NDST2: variants seen among roughly 807,000 people sequenced by gnomAD.
NDST2 encodes bifunctional heparan sulfate N-deacetylase/N-sulfotransferase 2.
Under a neutral mutation model 86.9 loss-of-function variants are expected in NDST2, and 32 were observed. The ratio of observed to expected loss-of-function variants is 0.37; its 90% CI spans 0.28 to 0.49. The LOEUF is 0.49. NDST2 is among the 20% of genes least tolerant of loss of function. The pLI is 0.97. For missense variants in NDST2, 950 were observed against 1,146.9 expected (o/e 0.83, Z 2.48); for synonymous variants, 409 against 437.0 (o/e 0.94, Z 0.80).
chr10:73,805,287 C>A (rs1301382093), intron 8 of NDST2, among the ~76,000 whole-genome samples: 1 of 151,616 alleles, frequency 6.6e-6, no homozygotes, highest in Non-Finnish European at 1.5e-5. Flanking sequence ...CTGAGGCGGG[C>A]GGATCACCTG....
In NDST2 at chr10:73,808,175, G is replaced by A. The variant is rs1259275924; in HGVS notation, c.214C>T (p.Pro72Ser). Reference sequence around the variant, plus strand: ...GTCTCTGGAGGCCTGGGGGGCCGAGGTGGAACTGGAGGCCGTGCAGGGCCA... The same window carrying A: ...GTCTCTGGAGGCCTGGGGGGCCGAGATGGAACTGGAGGCCGTGCAGGGCCA... ...GPGPARPPVP[P>S]RPPRPPETAR... The change falls in exon 3 of 15, where the codon CCT (proline) becomes TCT (serine). Residue 72 changes from proline (P) to serine (S), a missense_variant. Coordinates refer to ENST00000309979, the MANE Select transcript of NDST2 (RefSeq NM_003635.4). This position sits in a 1 kb window ranked among gnomAD's most constrained non-coding sequence, Gnocchi z 4.3. The A allele has an allele frequency of 1.9e-6, 3 of 1,614,200 alleles. No homozygotes were observed. The highest frequency in any genetic ancestry group is 2.5e-6 in the Non-Finnish European group (3 of 1,180,006).
At chr10:73,805,862 G>T (rs201130052) in intron 7 of NDST2, 38 bp downstream of exon 7, 27 of 1,613,678 alleles carry the variant, frequency 1.7e-5, no homozygotes, top group Non-Finnish European at 2.3e-5. Flanking sequence ...AAACACCTTG[G>T]CTCTCCAATC....
chr10:73,804,033 G>C lies in NDST2; in HGVS notation c.1844-17C>G. ...CTGTAGTCCCTAAATGGGAGAGAAA[G>C]ACCAGCTTCAGGCAGCCATTGTGGG... On this transcript the variant is annotated splice_polypyrimidine_tract_variant and intron_variant, in intron 9 of 14. Transcript: ENST00000309979. 2 of 1,611,406 alleles carry C rather than the reference G, an allele frequency of 1.2e-6. No individual in the cohort carries two copies. The highest frequency in any genetic ancestry group is 8.5e-7 in the Non-Finnish European group (1 of 1,178,618).
chr10:73,806,668 G>C lies in NDST2; in HGVS notation c.1237C>G (p.Gln413Glu). The change falls in exon 5 of 15, where the codon CAG becomes GAG. Residue 413 changes from glutamine (Q) to glutamate (E), a missense_variant. By Grantham distance (29) the Gln-to-Glu change is conservative (BLOSUM62 2). This residue lies in a region of NDST2 where 586 missense variants were observed against 714.0 expected (regional missense o/e 0.82). Coordinates refer to ENST00000309979, the MANE Select transcript of NDST2 (RefSeq NM_003635.4). The surrounding 1 kb of genome is among the most constrained non-coding windows in gnomAD (Gnocchi z 4.5). ...VLADQMRLNK[Q>E]FALEHGIPTD... ...TCCAAGGGTCTCACCAGAGCAAACT[G>C]TTTGTTGAGCCTCATCTGGTCAGCC... 2 of 1,613,998 alleles carry C rather than the reference G, an allele frequency of 1.2e-6. No individual in the cohort carries two copies. Among genetic ancestry groups the C allele is most frequent in the Non-Finnish European group, 1.7e-6 (2 of 1,179,868 alleles).
rs772796944 is a variant in NDST2 at position 73,803,700 on chromosome 10, T to C, written c.2016A>G (p.Leu672=). The change falls in exon 11 of 15, where the codon CTA becomes CTG. Residue 672 remains leucine, a synonymous_variant. Coordinates refer to ENST00000309979, the MANE Select transcript of NDST2 (RefSeq NM_003635.4). ...PVPSNASTDF[L]FEKSATYFDS... ...CAAAGTAGGTGGCACTTTTTTCAAATAGGAAATCAGTGCTGGCATTGGAAG... is the reference window on the plus strand; with the variant it reads ...CAAAGTAGGTGGCACTTTTTTCAAACAGGAAATCAGTGCTGGCATTGGAAG... 1.9e-6 allele frequency: 3 copies of C among 1,613,872 alleles called. No individual in the cohort carries two copies. The highest frequency in any genetic ancestry group is 2.2e-5 in the South Asian group (2 of 91,074).
Position 73,806,780 on chromosome 10 carries a change from C to T in NDST2, c.1125G>A (p.Met375Ile). Residue 375 changes from methionine (M) to isoleucine (I), a missense_variant, in exon 5 of 15, where the codon ATG becomes ATA. Coordinates refer to ENST00000309979, the MANE Select transcript of NDST2 (RefSeq NM_003635.4). The surrounding 1 kb of genome is among the most constrained non-coding windows in gnomAD (Gnocchi z 4.5). Reference sequence around the variant, plus strand: ...AGAACTCTTTGCGGTGCTTCAGCAGCATGTCGTCCCCTGCATCCTCCTCCT... The same window carrying T: ...AGAACTCTTTGCGGTGCTTCAGCAGTATGTCGTCCCCTGCATCCTCCTCCT... Reference protein sequence around the residue: ...GTEEEDAGDDMLLKHRKEFWW... With the variant: ...GTEEEDAGDDILLKHRKEFWW... 6.2e-7 allele frequency: 1 copy of T among 1,614,170 alleles called. No individual in the cohort carries two copies.
Position 73,803,317 on chromosome 10 carries a change from A to G in NDST2, c.2185T>C (p.Phe729Leu). The G allele has an allele frequency of 6.2e-7, 1 of 1,614,218 alleles. No homozygotes were observed. Among genetic ancestry groups the G allele is most frequent in the Non-Finnish European group, 8.5e-7 (1 of 1,180,036 alleles). The change falls in exon 12 of 15, where the codon TTC (phenylalanine) becomes CTC (leucine). Residue 729 changes from phenylalanine (F) to leucine (L), a missense_variant. By Grantham distance (22) the Phe-to-Leu change is conservative. This residue lies in a region of NDST2 where 303 missense variants were observed against 323.7 expected (regional missense o/e 0.94). Coordinates refer to ENST00000309979, the MANE Select transcript of NDST2 (RefSeq NM_003635.4). ...GAGGAGGCTGAAATCACCTGATAGA[A>G]GGTATAGTTCAGAGCAACTGGGTCT... ...HGDPVALNYT[F>L]YQVISASSQT... is the part of the protein sequence containing the mutation.
Position 73,802,203 on chromosome 10 carries a change from C to G in NDST2, c.*248G>C, listed in dbSNP as rs1466989861. On this transcript the variant is annotated 3_prime_UTR_variant, in exon 15 of 15. Coordinates refer to ENST00000309979, the MANE Select transcript of NDST2 (RefSeq NM_003635.4). ...ACACCCTGCCTGGACCCTCTCATTC[C>G]TCCCCACCTCCCAAGATGATGGGTC... 3 of 580,394 alleles carry G rather than the reference C, an allele frequency of 5.2e-6. No individual in the cohort carries two copies. Among genetic ancestry groups the G allele is most frequent in the Non-Finnish European group, 9.2e-6 (3 of 326,856 alleles). The allele number at this position is 580,394 out of a possible 1,614,324, so 36.0% of individuals were successfully genotyped here. A position where few individuals can be genotyped will look rare whatever the true frequency, so the allele number is the denominator to read the frequency against.
chr10:73,803,855 G>A (rs1200828719), intron 10 of NDST2, 38 bp downstream of exon 10: 3 of 1,614,064 alleles, frequency 1.9e-6, no homozygotes, highest in East Asian at 2.2e-5. Context: ...GGAAGGGAGT[G>A]TTCCTCTGAG....
Position 73,801,978 on chromosome 10 carries a change from A to G in NDST2, c.*473T>C. The G allele has an allele frequency of 8.1e-6, 3 of 370,712 alleles. No homozygotes were observed. Among genetic ancestry groups the G allele is most frequent in the South Asian group, 6.7e-5 (3 of 44,564 alleles). The allele number at this position is 370,712 out of a possible 1,614,324, so 23.0% of individuals were successfully genotyped here. On this transcript the variant is annotated 3_prime_UTR_variant, in exon 15 of 15. Coordinates refer to ENST00000309979, the MANE Select transcript of NDST2 (RefSeq NM_003635.4). This position sits in a 1 kb window ranked among gnomAD's most constrained non-coding sequence, Gnocchi z 4.9. ...ACAGCTAGGGCTCATACTCGGCTCT[A>G]TGAGCCACTGTCCGACCTCATCCCC...
chr10:73,807,351 T>C, intron 3 of NDST2, 33 bp downstream of exon 3: 5 of 1,608,708 alleles, frequency 3.1e-6, no homozygotes, highest in Non-Finnish European at 4.2e-6. Context: ...TGTGAATAGC[T>C]TCTAAGAAAA....
Position 73,802,684 on chromosome 10 carries a change from A to C in NDST2, c.2516T>G (p.Met839Arg). The change falls in exon 14 of 15, where the codon ATG becomes AGG. Residue 839 changes from methionine (M) to arginine (R), a missense_variant. Physicochemically the swap from Met to Arg is moderately conservative, Grantham distance 91 (BLOSUM62 -1). This residue lies in a region of NDST2 where 303 missense variants were observed against 323.7 expected (regional missense o/e 0.94). Coordinates refer to ENST00000309979, the MANE Select transcript of NDST2 (RefSeq NM_003635.4). ...GRSKGRRYPD[M>R]DTESRLFLTD... ...CCTGGCTTTACTTACCTCAGTGTCCATATCTGGATACCTCCGGCCTTTGCT... is the reference window on the plus strand; with the variant it reads ...CCTGGCTTTACTTACCTCAGTGTCCCTATCTGGATACCTCCGGCCTTTGCT... 6.2e-7 allele frequency: 1 copy of C among 1,614,198 alleles called. No homozygotes were observed. Among genetic ancestry groups the C allele is most frequent in the Non-Finnish European group, 8.5e-7 (1 of 1,180,034 alleles).
At position 73,803,416 on chromosome 10, in the gene NDST2, T is replaced by TA. The variant is rs918912408; in HGVS notation, c.2143-58dup. The stretch of plus-strand genomic sequence containing the variant: ...TGGTGATTTGACAGTATTCTGCCCT[T>TA]ACGCTTGGTCTGGAGACAGACAGCA... On this transcript the variant is annotated intron_variant, in intron 11 of 14. Transcript: ENST00000309979. The TA allele has an allele frequency of 6.7e-5, 107 of 1,602,326 alleles. No homozygotes were observed. The African/African-American group carries it at 1.3e-3, about 19-fold the overall frequency.
chr10:73,808,543 C>A lies in NDST2; in HGVS notation c.-155G>T. The A allele has an allele frequency of 1.4e-6, 1 of 695,028 alleles. No homozygotes were observed. The highest frequency in any genetic ancestry group is 2.3e-6 in the Non-Finnish European group (1 of 434,382). The allele number at this position is 695,028 out of a possible 1,614,324, so 43.1% of individuals were successfully genotyped here. A position where few individuals can be genotyped will look rare whatever the true frequency, so the allele number is the denominator to read the frequency against. ...TTTCCTTTACGAGGTGGAGACGAGT[C>A]CCCTTAGCATAGGGTAGGGGAGGTA... On this transcript the variant is annotated 5_prime_UTR_variant, in exon 3 of 15. Coordinates refer to ENST00000309979, the MANE Select transcript of NDST2 (RefSeq NM_003635.4). This position sits in a 1 kb window ranked among gnomAD's most constrained non-coding sequence, Gnocchi z 4.3.
rs75538123 is a variant in NDST2, at chr10:73,803,909, G to C, written c.1951C>G (p.His651Asp). The C allele has an allele frequency of 7.5e-4, 1,217 of 1,614,130 alleles. 4 individuals carry two copies. Among genetic ancestry groups the C allele is most frequent in the Non-Finnish European group, 9.3e-4 (1,094 of 1,180,018 alleles). Reference sequence around the variant, plus strand: ...CAGTCTCACCAGTCAATACCCTTGTGGTAATTAGGGCTGTTGAAGAACTGA... The same window carrying C: ...CAGTCTCACCAGTCAATACCCTTGTCGTAATTAGGGCTGTTGAAGAACTGA... ...EIQFFNSPNY[H>D]KGIDWYMDFF... The change falls in exon 10 of 15, where the codon CAC becomes GAC. Residue 651 changes from histidine (H) to aspartate (D), a missense_variant. His to Asp is a moderately conservative substitution (Grantham distance 81, BLOSUM62 -1). Around this residue, in one of 5 missense-constraint regions of NDST2, gnomAD observed 303 missense variants for 323.7 expected, o/e 0.94. Transcript: ENST00000309979.
rs1275965899 is a variant in NDST2, at chr10:73,806,760, T to A, written c.1145A>T (p.Glu382Val). 4 of 1,614,120 alleles carry A rather than the reference T, an allele frequency of 2.5e-6. No homozygotes were observed. The highest frequency in any genetic ancestry group is 1.7e-5 in the Admixed American group (1 of 60,018). ...GDDMLLKHRK[E>V]FWWFPHMWSH... The stretch of plus-strand genomic sequence containing the variant: ...CCACATGTGGGGGAACCACCAGAAC[T>A]CTTTGCGGTGCTTCAGCAGCATGTC... The change falls in exon 5 of 15, where the codon GAG (glutamate) becomes GTG (valine). Residue 382 changes from glutamate to valine, a missense_variant. Around this residue, in one of 5 missense-constraint regions of NDST2, gnomAD observed 586 missense variants for 714.0 expected, o/e 0.82. Transcript: ENST00000309979. The surrounding 1 kb of genome is among the most constrained non-coding windows in gnomAD (Gnocchi z 4.5).
chr10:73,808,393 G>T lies in NDST2; in HGVS notation c.-5C>A, dbSNP rs761348337. On this transcript the variant is annotated 5_prime_UTR_variant, in exon 3 of 15. Transcript: ENST00000309979. This position sits in a 1 kb window ranked among gnomAD's most constrained non-coding sequence, Gnocchi z 4.3. ...CACCTTCCACAACTGGAGCATGGCG[G>T]GGGGAGGAAGGGAGGGAGGAATGGG... 7 of 1,582,012 alleles carry T rather than the reference G, an allele frequency of 4.4e-6. No individual in the cohort carries two copies. The highest frequency in any genetic ancestry group is 2.3e-5 in the East Asian group (1 of 43,562).
At position 73,804,775 on chromosome 10, in the gene NDST2, G is replaced by C. The variant is rs2084068992; in HGVS notation, c.1841C>G (p.Thr614Arg). The change falls in exon 9 of 15, where the codon ACA becomes AGA. Residue 614 changes from threonine (T) to arginine (R), a missense_variant and splice_region_variant. By Grantham distance (71) the Thr-to-Arg change is moderately conservative (BLOSUM62 -1). This residue lies in a region of NDST2 where 17 missense variants were observed against 40.1 expected (regional missense o/e 0.42). Coordinates refer to ENST00000309979, the MANE Select transcript of NDST2 (RefSeq NM_003635.4). ...GAAGTTAGCTAAGGATACTTCACCTGTTTTCTGGGGTCCCACAATGAGGAA... is the reference window on the plus strand; with the variant it reads ...GAAGTTAGCTAAGGATACTTCACCTCTTTTCTGGGGTCCCACAATGAGGAA... ...PKFLIVGPQK[T>R]GTTAIHFFLS... 6.2e-7 allele frequency: 1 copy of C among 1,609,660 alleles called. No individual in the cohort carries two copies. Among genetic ancestry groups the C allele is most frequent in the African/African-American group, 1.3e-5 (1 of 74,724 alleles).
chr10:73,803,244 G>A lies in NDST2; in HGVS notation c.2258C>T (p.Pro753Leu). 1 of 1,614,222 alleles carries A rather than the reference G, an allele frequency of 6.2e-7. No homozygotes were observed. The highest frequency in any genetic ancestry group is 8.5e-7 in the Non-Finnish European group (1 of 1,180,030). The change falls in exon 12 of 15, where the codon CCT (proline) becomes CTT (leucine). Residue 753 changes from proline to leucine, a missense_variant. Around this residue, in one of 5 missense-constraint regions of NDST2, gnomAD observed 303 missense variants for 323.7 expected, o/e 0.94. Transcript: ENST00000309979. ...TTGTAGATGGGTAGAATAGTAGCCA[G>A]GGACAAGACAGCGGTTCTGCAGGGA... ...LRSLQNRCLVPGYYSTHLQRW... is the reference protein window; with the variant it reads ...LRSLQNRCLVLGYYSTHLQRW...
Sources: allele counts gnomAD v4.1 joint callset (sites outside exome capture counted in the v4.1 genomes callset), GRCh38; gene constraint gnomAD v4.1.1; regional missense constraint gnomAD v4.1.1; non-coding constraint Gnocchi (gnomAD v3.1); transcripts MANE v1.5; gene names NCBI Gene and HGNC (gene_info 2026-07-23, HGNC 2026-07-21).